The following STRN variants were observed in gnomAD, a reference collection of about 807,000 sequenced individuals.
STRN encodes striatin, also known as protein phosphatase 2 regulatory subunit B'''alpha.
Under a neutral mutation model 96.3 loss-of-function variants are expected in STRN, and 53 were observed. The observed-to-expected ratio is 0.55, with a 90% CI of 0.44 to 0.69. The LOEUF is 0.69. Among genes scored for constraint, STRN ranks in the 30% least tolerant of loss-of-function variants. STRN has a pLI of 0.00. For missense variants in STRN, 987 were observed against 963.9 expected, an observed-to-expected ratio of 1.02 and a Z score of -0.32; for synonymous variants, 428 against 355.9, an observed-to-expected ratio of 1.20 and a Z score of -2.28.
intron 9 of STRN, among the ~76,000 whole-genome samples, chr2:36,883,463 CAAAA>C (rs1553396391): frequency 6.7e-6 from 1 of 149,414 alleles, no homozygotes; most frequent in Admixed American, 6.6e-5. Flanking sequence ...TCTCAAAAAA[CAAAA>C]AAAAAGTATA....
At chr2:36,877,866 C>G (rs114150512) in intron 10 of STRN, 25 bp downstream of exon 10, 1 of 1,611,906 alleles carries the variant, frequency 6.2e-7, no homozygotes, top group Admixed American at 1.7e-5. Flanking sequence ...CAAGTAAACA[C>G]AACAAAAACA....
rs1244347522 is a variant in STRN, at chr2:36,842,623, A to C, written c.*6833T>G. On this transcript the variant is annotated 3_prime_UTR_variant, in exon 18 of 18. Transcript: ENST00000263918. ...CAAATAATGACTTCCAATCTAACTG[A>C]AACTACCATTACCTTTAGTGAAATA... The C allele has an allele frequency of 6.6e-6, 1 of 152,206 alleles. No homozygotes were observed. The highest frequency in any genetic ancestry group is 1.5e-5 in the Non-Finnish European group (1 of 68,034). The allele number at this position is 152,206 out of a possible 1,614,324, so 9.4% of individuals were successfully genotyped here. A position where few individuals can be genotyped will look rare whatever the true frequency, so the allele number is the denominator to read the frequency against.
At chr2:36,931,437 C>A (rs547297095) in intron 1 of STRN, among the ~76,000 whole-genome samples, 1 of 152,154 alleles carries the variant, frequency 6.6e-6, no homozygotes, top group Non-Finnish European at 1.5e-5. Flanking sequence ...CCAGCTTGTA[C>A]ACAAGCTGTG....
chr2:36,850,979 C>A (rs752619597), intron 16 of STRN, 21 bp downstream of exon 16: 16 of 1,436,346 alleles, frequency 1.1e-5, no homozygotes, highest in Admixed American at 4.6e-5. Flanking sequence ...TAATAAAAAT[C>A]AATTCTTAAT....
In STRN at chr2:36,842,622, G is replaced by A. The variant is rs889490772; in HGVS notation, c.*6834C>T. 2.0e-5 allele frequency: 3 copies of A among 152,152 alleles called. No individual in the cohort carries two copies. Among genetic ancestry groups the A allele is most frequent in the Non-Finnish European group, 2.9e-5 (2 of 68,028 alleles). 9.4% of individuals were successfully genotyped at this position (152,152 alleles called of 1,614,324 possible). A position where few individuals can be genotyped will look rare whatever the true frequency, so the allele number is the denominator to read the frequency against. Reference sequence around the variant, plus strand: ...CCAAATAATGACTTCCAATCTAACTGAAACTACCATTACCTTTAGTGAAAT... The same window carrying A: ...CCAAATAATGACTTCCAATCTAACTAAAACTACCATTACCTTTAGTGAAAT... On this transcript the variant is annotated 3_prime_UTR_variant, in exon 18 of 18. Coordinates refer to ENST00000263918, the MANE Select transcript of STRN (RefSeq NM_003162.4).
Position 36,886,708 on chromosome 2 carries a change from C to A in STRN, c.1042+8G>T. ...TTATGATTTACAGATACAATGTTTTCCACTTACTCTTCACCCCCTTTTTCC... is the reference window on the plus strand; with the variant it reads ...TTATGATTTACAGATACAATGTTTTACACTTACTCTTCACCCCCTTTTTCC... On this transcript the variant is annotated splice_region_variant and intron_variant, in intron 8 of 17. Coordinates refer to ENST00000263918, the MANE Select transcript of STRN (RefSeq NM_003162.4). The A allele has an allele frequency of 6.3e-7, 1 of 1,598,016 alleles. No individual in the cohort carries two copies. Among genetic ancestry groups the A allele is most frequent in the Non-Finnish European group, 8.5e-7 (1 of 1,170,696 alleles).
At chr2:36,855,100 A>G (rs1572623851) in intron 15 of STRN, 112 bp downstream of exon 15, 1 of 944,640 alleles carries the variant, frequency 1.1e-6, no homozygotes, top group South Asian at 2.2e-5. Context: ...TCTGAAAGTT[A>G]AGAGACAGAA....
At chr2:36,876,173 G>C (rs957744495) in intron 10 of STRN, among the ~76,000 whole-genome samples, 8 of 150,314 alleles carry the variant, frequency 5.3e-5, no homozygotes, top group Middle Eastern at 3.4e-3. Flanking sequence ...GGGAGGCTGA[G>C]ATGGGAGGAT....
In STRN at chr2:36,886,705, T is replaced by C; in HGVS notation, c.1042+11A>G. 4 of 1,599,022 alleles carry C rather than the reference T, an allele frequency of 2.5e-6. 1 individual carries two copies. The highest frequency in any genetic ancestry group is 2.3e-5 in the South Asian group (2 of 88,848). On this transcript the variant is annotated intron_variant, in intron 8 of 17. Transcript: ENST00000263918. ...GATTTATGATTTACAGATACAATGT[T>C]TTCCACTTACTCTTCACCCCCTTTT...
In STRN at chr2:36,966,470, C is replaced by G. The variant is rs1206659105; in HGVS notation, c.-7G>C. On this transcript the variant is annotated 5_prime_UTR_variant, in exon 1 of 18. Transcript: ENST00000263918. The stretch of plus-strand genomic sequence containing the variant: ...GACCCGCCTGCTCGTCCATGGCGGC[C>G]GCAGATACCCGGGGAGCTGCCCCGG... 5 of 1,443,540 alleles carry G rather than the reference C, an allele frequency of 3.5e-6. No homozygotes were observed. Among genetic ancestry groups the G allele is most frequent in the African/African-American group, 1.5e-5 (1 of 67,030 alleles). The allele number at this position is 1,443,540 out of a possible 1,614,324, so 89.4% of individuals were successfully genotyped here. A position where few individuals can be genotyped will look rare whatever the true frequency, so the allele number is the denominator to read the frequency against.
chr2:36,937,011 C>T (rs1670717035), intron 1 of STRN, among the ~76,000 whole-genome samples: 1 of 152,082 alleles, frequency 6.6e-6, no homozygotes, highest in South Asian at 2.1e-4. Context: ...CAGTAGGACC[C>T]AGACTCAAGC....
At chr2:36,911,786 TTC>T (rs1167039018) in intron 3 of STRN, among the ~76,000 whole-genome samples, 2 of 152,220 alleles carry the variant, frequency 1.3e-5, no homozygotes, top group Non-Finnish European at 2.9e-5. Flanking sequence ...ACTATCTGCA[TTC>T]TCTTTTACTT....
chr2:36,956,620 G>A (rs530905836), intron 1 of STRN, among the ~76,000 whole-genome samples: 2 of 152,324 alleles, frequency 1.3e-5, no homozygotes, highest in East Asian at 3.9e-4. Flanking sequence ...CAGATTATCT[G>A]AACTTTCAAA....
intron 6 of STRN, among the ~76,000 whole-genome samples, chr2:36,896,823 AGTT>A (rs2148192325): frequency 6.6e-6 from 1 of 152,302 alleles, no homozygotes; most frequent in South Asian, 2.1e-4. Context: ...ATAATCTCAG[AGTT>A]GTTATTACAC....
chr2:36,893,282 T>C (rs918493526), intron 7 of STRN, among the ~76,000 whole-genome samples: 3 of 152,086 alleles, frequency 2.0e-5, no homozygotes, highest in African/African-American at 7.2e-5. Flanking sequence ...AGTATGGCAC[T>C]GCTTTCAATA....
intron 1 of STRN, among the ~76,000 whole-genome samples, chr2:36,943,161 G>A (rs1210335423): frequency 3.3e-5 from 5 of 151,850 alleles, no homozygotes; most frequent in Non-Finnish European, 7.4e-5. Flanking sequence ...TTAAATTCTT[G>A]TTAGTAAAAA....
Position 36,899,423 on chromosome 2 carries a change from G to A in STRN, c.795+100C>T, listed in dbSNP as rs1669625601. 2.6e-6 allele frequency: 3 copies of A among 1,133,214 alleles called. No individual in the cohort carries two copies. The African/African-American group carries it at 4.8e-5, about 18-fold the overall frequency. 70.2% of individuals were successfully genotyped at this position (1,133,214 alleles called of 1,614,324 possible). A position where few individuals can be genotyped will look rare whatever the true frequency, so the allele number is the denominator to read the frequency against. ...TCTCCAAATTCATGAAAAAGAAAAA[G>A]CTACGGGTTAAGATTAAAGAACATG... On this transcript the variant is annotated intron_variant, in intron 6 of 17. Coordinates refer to ENST00000263918, the MANE Select transcript of STRN (RefSeq NM_003162.4).
intron 1 of STRN, among the ~76,000 whole-genome samples, chr2:36,941,438 T>C (rs1462074462): frequency 6.6e-6 from 1 of 152,210 alleles, no homozygotes; most frequent in Non-Finnish European, 1.5e-5. Context: ...ACATGCTCTA[T>C]TTTAGCTTCT....
chr2:36,894,742 G>A (rs1320084376), intron 6 of STRN, among the ~76,000 whole-genome samples: 1 of 152,156 alleles, frequency 6.6e-6, no homozygotes, highest in African/African-American at 2.4e-5. Context: ...AAATGTTATC[G>A]CTGGGCTATT....
Sources: gnomAD v4.1 joint callset for allele counts (sites outside exome capture counted in the v4.1 genomes callset) on GRCh38, gnomAD v4.1.1 for gene constraint, MANE v1.5 for transcripts, NCBI Gene and HGNC (gene_info 2026-07-23, HGNC 2026-07-21) for gene names.